ADAMTS2: variants seen among roughly 807,000 people sequenced by gnomAD.
The protein encoded by ADAMTS2 is ADAM metallopeptidase with thrombospondin type 1 motif 2.
In ADAMTS2, 50 loss-of-function variants were observed where a neutral mutation model predicts 123.0. That is an observed-to-expected ratio of 0.41 (90% CI 0.32 to 0.51). The LOEUF (loss-of-function observed/expected upper bound fraction) is 0.51. ADAMTS2 is among the 20% of genes least tolerant of loss of function. The probability of loss-of-function intolerance (pLI) is 0.35; values close to 1 mark genes in which losing one functional copy is unlikely to be tolerated. For missense variants in ADAMTS2, 1,494 were observed against 1,705.2 expected (o/e 0.88, Z 2.18); for synonymous variants, 678 against 695.4 (o/e 0.98, Z 0.39).
intron 2 of ADAMTS2, among the ~76,000 whole-genome samples, chr5:179,288,696 C>T (rs896172713): frequency 6.6e-6 from 1 of 152,260 alleles, no homozygotes; most frequent in Non-Finnish European, 1.5e-5. Context: ...CAGCAATGAC[C>T]AAAGGCGCCG....
At chr5:179,144,003 T>G (rs1005769673) in intron 10 of ADAMTS2, among the ~76,000 whole-genome samples, 18 of 152,220 alleles carry the variant, frequency 1.2e-4, no homozygotes, top group Non-Finnish European at 2.5e-4. Flanking sequence ...ATCTTTATTT[T>G]CAGACAAAAT....
intron 3 of ADAMTS2, among the ~76,000 whole-genome samples, chr5:179,238,729 C>T (rs1044114443): frequency 1.3e-5 from 2 of 152,130 alleles, no homozygotes; most frequent in African/African-American, 4.8e-5. Flanking sequence ...CAGGGCGAGG[C>T]GCTGGGTCGT....
chr5:179,294,272 T>C (rs1051452238), intron 2 of ADAMTS2, among the ~76,000 whole-genome samples: 4 of 152,100 alleles, frequency 2.6e-5, no homozygotes, highest in African/African-American at 9.7e-5. Context: ...AAAATATGAC[T>C]GGGAACCGGG....
At chr5:179,254,156 C>T (rs1438309132) in intron 3 of ADAMTS2, among the ~76,000 whole-genome samples, 2 of 152,228 alleles carry the variant, frequency 1.3e-5, no homozygotes, top group South Asian at 2.1e-4. Context: ...GCTTCATACA[C>T]ACACGCTGCT....
chr5:179,320,122 C>A (rs1366067319), intron 2 of ADAMTS2, among the ~76,000 whole-genome samples: 1 of 152,238 alleles, frequency 6.6e-6, no homozygotes, highest in Non-Finnish European at 1.5e-5. Context: ...CTGTCCCTGC[C>A]CTGCCTGGTG....
chr5:179,299,683 T>C (rs1024805757), intron 2 of ADAMTS2, among the ~76,000 whole-genome samples: 1 of 151,964 alleles, frequency 6.6e-6, no homozygotes, highest in Non-Finnish European at 1.5e-5. Flanking sequence ...CTTGTTTTTT[T>C]CCAGCTTTTA....
At chr5:179,240,331 G>A (rs1765634801) in intron 3 of ADAMTS2, among the ~76,000 whole-genome samples, 1 of 152,092 alleles carries the variant, frequency 6.6e-6, no homozygotes, top group Admixed American at 6.6e-5. Context: ...CCAGGACTAG[G>A]GCATTGTTCA....
intron 3 of ADAMTS2, among the ~76,000 whole-genome samples, chr5:179,232,946 A>G (rs1339146536): frequency 6.6e-6 from 1 of 152,202 alleles, no homozygotes; most frequent in Non-Finnish European, 1.5e-5. Flanking sequence ...GGCATTTCCA[A>G]CAAGTCTGGA....
intron 10 of ADAMTS2, among the ~76,000 whole-genome samples, chr5:179,141,236 CAAATTCT>C (rs1208295157): frequency 2.0e-5 from 3 of 152,196 alleles, no homozygotes; most frequent in African/African-American, 7.2e-5. Context: ...CATTCCTCAG[CAAATTCT>C]TTCTGTAAAA....
rs1301508083 is a variant in ADAMTS2, at chr5:179,129,297, G to A, written c.2457+635C>T. ...CAGGTGCACCCACGTGTGGAGCGCTGGGGGCTGGTGGATTAATCCCAATGC... is the reference window on the plus strand; with the variant it reads ...CAGGTGCACCCACGTGTGGAGCGCTAGGGGCTGGTGGATTAATCCCAATGC... On this transcript the variant is annotated intron_variant, in intron 16 of 21. Coordinates refer to ENST00000251582, the MANE Select transcript of ADAMTS2 (RefSeq NM_014244.5). This position sits in a 1 kb window ranked among gnomAD's most constrained non-coding sequence, Gnocchi z 4.1. Among the ~76,000 whole-genome samples, 3 of 152,170 alleles carry A rather than the reference G, an allele frequency of 2.0e-5. No individual in the cohort carries two copies. Among genetic ancestry groups the A allele is most frequent in the Non-Finnish European group, 4.4e-5 (3 of 68,030 alleles).
chr5:179,153,149 C>CCTTCCTGAATGCCCTCT (rs1451885983), intron 9 of ADAMTS2, among the ~76,000 whole-genome samples: 1 of 152,164 alleles, frequency 6.6e-6, no homozygotes, highest in African/African-American at 2.4e-5. Context: ...CGTGGCCCTC[C>CCTTCCTGAATGCCCTCT]CTTCCTGAAT....
chr5:179,247,331 TC>T (rs1180923491), intron 3 of ADAMTS2, among the ~76,000 whole-genome samples: 2 of 151,648 alleles, frequency 1.3e-5, no homozygotes, highest in African/African-American at 4.8e-5. Flanking sequence ...TCAGCAATCA[TC>T]CAATCTGAGA....
chr5:179,183,493 G>A (rs943705170), intron 4 of ADAMTS2, among the ~76,000 whole-genome samples: 1 of 152,220 alleles, frequency 6.6e-6, no homozygotes, highest in Non-Finnish European at 1.5e-5. Flanking sequence ...TGCTGCCTGG[G>A]ACCTGAGAGG....
rs912251523 is a variant in ADAMTS2 at position 179,285,155 on chromosome 5, G to A, written c.535-12091C>T. ...TGGCATGACAGCTGTTAGGAAACGC[G>A]TAACAAAGGGTCAGCAGTGTTACGA... On this transcript the variant is annotated intron_variant, in intron 2 of 21. Coordinates refer to ENST00000251582, the MANE Select transcript of ADAMTS2 (RefSeq NM_014244.5). The surrounding 1 kb of genome is among the most constrained non-coding windows in gnomAD (Gnocchi z 4.9). 5.3e-4 allele frequency among the ~76,000 whole-genome samples: 80 copies of A among 152,194 alleles called. 1 individual carries two copies. Among genetic ancestry groups the A allele is most frequent in the Non-Finnish European group, 1.5e-4 (10 of 68,028 alleles).
At chr5:179,277,363 CA>C (rs200816366) in intron 2 of ADAMTS2, among the ~76,000 whole-genome samples, 228 of 9,818 alleles carry the variant, frequency 0.023, 3 homozygotes, top group South Asian at 0.075. Context: ...CAAAGGCTGA[CA>C]CCCCCCGAGA....
rs749453416 is a variant in ADAMTS2, at chr5:179,344,005, C to G, written c.296G>C (p.Gly99Ala). 2 of 1,612,742 alleles carry G rather than the reference C, an allele frequency of 1.2e-6. No individual in the cohort carries two copies. Among genetic ancestry groups the G allele is most frequent in the Admixed American group, 1.7e-5 (1 of 60,024 alleles). The change falls in exon 2 of 22, where the codon GGA becomes GCA. Residue 99 changes from glycine to alanine, a missense_variant. By Grantham distance (60) the Gly-to-Ala change is moderately conservative. Coordinates refer to ENST00000251582, the MANE Select transcript of ADAMTS2 (RefSeq NM_014244.5). ...AAPVRTPSFP[G>A]GNEEEPGSHL... ...ACTGCCAGGCTCCTCCTCGTTGCCT[C>G]CGGGGAAGCTCGGGGTCCGGACCGG... is the stretch of plus-strand genomic sequence containing the variant.
chr5:179,212,993 G>T (rs1474000422), intron 3 of ADAMTS2, among the ~76,000 whole-genome samples: 7 of 152,154 alleles, frequency 4.6e-5, no homozygotes. Context: ...GGAGCCCGCT[G>T]CCTCCCATGG....
chr5:179,271,807 G>A (rs1044279514), intron 3 of ADAMTS2, among the ~76,000 whole-genome samples: 3 of 152,246 alleles, frequency 2.0e-5, no homozygotes, highest in African/African-American at 7.2e-5. Flanking sequence ...CTGCCAGGCT[G>A]TACCCAATTT....
intron 10 of ADAMTS2, among the ~76,000 whole-genome samples, chr5:179,148,147 C>T (rs1763286204): frequency 6.6e-6 from 1 of 152,070 alleles, no homozygotes; most frequent in Non-Finnish European, 1.5e-5. Flanking sequence ...TCAGGGTCAC[C>T]TTCCCCCAGC....
Sources: gnomAD v4.1 joint callset for allele counts (sites outside exome capture counted in the v4.1 genomes callset) on GRCh38, gnomAD v4.1.1 for gene constraint, Gnocchi (gnomAD v3.1) non-coding constraint, MANE v1.5 for transcripts, NCBI Gene and HGNC (gene_info 2026-07-23, HGNC 2026-07-21) for gene names.